STK3: variants seen among roughly 807,000 people sequenced by gnomAD.
STK3 encodes serine/threonine kinase 3, also known as serine/threonine-protein kinase 3.
Under a neutral mutation model 58.0 loss-of-function variants are expected in STK3, and 41 were observed. The observed-to-expected ratio is 0.71, with a 90% CI of 0.55 to 0.92. The LOEUF (loss-of-function observed/expected upper bound fraction) is 0.92, where lower values mean the gene tolerates loss of function less well. Among genes scored for constraint, STK3 ranks in the 40% least tolerant of loss-of-function variants. STK3 has a pLI of 0.00. For missense variants in STK3, 479 were observed against 602.7 expected (o/e 0.79, Z 2.15); for synonymous variants, 170 against 191.0 (o/e 0.89, Z 0.91).
At chr8:98,558,810 G>A (rs187064230) in intron 8 of STK3, among the ~76,000 whole-genome samples, 16 of 151,816 alleles carry the variant, frequency 1.1e-4, no homozygotes, top group Admixed American at 9.2e-4. Flanking sequence ...TACATAAATT[G>A]TATTTTTATT....
chr8:98,930,223 G>A (rs1587862658), intron 1 of STK3, among the ~76,000 whole-genome samples: 1 of 152,146 alleles, frequency 6.6e-6, no homozygotes, highest in African/African-American at 2.4e-5. Flanking sequence ...GGCGGTTGTG[G>A]GGGGAATGGG....
downstream of STK3, chr8:98,883,571 A>G: frequency 1.5e-6 from 1 of 649,534 alleles, no homozygotes; most frequent in Non-Finnish European, 2.8e-6. Context: ...TTTTAAGGAC[A>G]ATAAACATCT....
At chr8:98,631,220 C>G (rs1039396415) in intron 6 of STK3, among the ~76,000 whole-genome samples, 1 of 152,128 alleles carries the variant, frequency 6.6e-6, no homozygotes, top group Non-Finnish European at 1.5e-5. Flanking sequence ...AAGAACGAGC[C>G]GTTTAAATCA....
chr8:98,803,310 G>A (rs2131635406), intron 1 of STK3, among the ~76,000 whole-genome samples: 1 of 152,186 alleles, frequency 6.6e-6, no homozygotes, highest in South Asian at 2.1e-4. Context: ...AGTAAAAACA[G>A]GCCAGGCATG....
the STK3 span, among the ~76,000 whole-genome samples, chr8:98,365,992 T>C: frequency 1.3e-5 from 2 of 151,642 alleles, no homozygotes; most frequent in Non-Finnish European, 2.9e-5. Context: ...TTATAAAACA[T>C]GTACAGGAAT....
chr8:98,664,905 A>T (rs80244772), intron 6 of STK3, among the ~76,000 whole-genome samples: 11 of 139,360 alleles, frequency 7.9e-5, no homozygotes, highest in Non-Finnish European at 1.4e-4. Context: ...CGTCTCAATT[A>T]AAAAAAAAAA....
chr8:98,515,099 G>A (rs899005029), intron 10 of STK3, among the ~76,000 whole-genome samples: 1 of 151,880 alleles, frequency 6.6e-6, no homozygotes, highest in Admixed American at 6.6e-5. Context: ...CACTATCTTT[G>A]CCTTAATCCA....
intron 6 of STK3, among the ~76,000 whole-genome samples, chr8:98,650,941 C>A (rs1015513075): frequency 9.9e-5 from 15 of 152,214 alleles, no homozygotes; most frequent in Non-Finnish European, 1.8e-4. Context: ...ACAGCAGTAA[C>A]CTCTGCAGAC....
At chr8:98,356,552 C>T in the STK3 span, among the ~76,000 whole-genome samples, 4 of 152,232 alleles carry the variant, frequency 2.6e-5, no homozygotes, top group African/African-American at 9.6e-5. Context: ...AAAGCTAAGC[C>T]GAAAGCCAGG....
At chr8:98,357,328 G>A in the STK3 span, among the ~76,000 whole-genome samples, 2 of 152,252 alleles carry the variant, frequency 1.3e-5, no homozygotes, top group Admixed American at 1.3e-4. Context: ...CTTGAAGGTG[G>A]GTTCTCACAG....
In STK3 at chr8:98,723,721, C is replaced by T. The variant is rs551952267; in HGVS notation, c.352-16410G>A. Among the ~76,000 whole-genome samples, 93 of 152,172 alleles carry T rather than the reference C, an allele frequency of 6.1e-4. 1 individual carries two copies. The highest frequency in any genetic ancestry group is 6.8e-3 in the Middle Eastern group (2 of 294). On this transcript the variant is annotated intron_variant, in intron 4 of 10. Coordinates refer to ENST00000419617, the MANE Select transcript of STK3 (RefSeq NM_006281.4). ...GTAAGGATACAAAAAATTAGACATACGCCCCCCTTTTCAAATGCCATAAAT... is the reference window on the plus strand; with the variant it reads ...GTAAGGATACAAAAAATTAGACATATGCCCCCCTTTTCAAATGCCATAAAT...
At chr8:98,905,231 A>G (rs570938421) in intron 1 of STK3, 19 of 861,186 alleles carry the variant, frequency 2.2e-5, no homozygotes, top group South Asian at 2.1e-4. Context: ...CTTGTGGACA[A>G]CTACACATGC....
intron 10 of STK3, among the ~76,000 whole-genome samples, chr8:98,517,809 A>G (rs2131437065): frequency 6.6e-6 from 1 of 152,020 alleles, no homozygotes; most frequent in Admixed American, 6.6e-5. Flanking sequence ...TACATTGTCC[A>G]CTCTTTGATC....
chr8:98,788,999 C>T (rs1026919394), intron 1 of STK3, among the ~76,000 whole-genome samples: 1 of 152,112 alleles, frequency 6.6e-6, no homozygotes, highest in African/African-American at 2.4e-5. Context: ...CAAGATAGAC[C>T]ATATGAGAGG....
At chr8:98,612,889 C>A (rs1297454381) in intron 6 of STK3, among the ~76,000 whole-genome samples, 1 of 152,128 alleles carries the variant, frequency 6.6e-6, no homozygotes, top group Non-Finnish European at 1.5e-5. Context: ...GAATTTCACC[C>A]CTCTGGAAAG....
At chr8:98,676,192 A>G (rs891493959) in intron 6 of STK3, among the ~76,000 whole-genome samples, 2 of 152,218 alleles carry the variant, frequency 1.3e-5, no homozygotes, top group African/African-American at 4.8e-5. Flanking sequence ...AATAGTTCTA[A>G]CTTGAAGCTA....
At chr8:98,560,853 C>A (rs376767725) in intron 8 of STK3, among the ~76,000 whole-genome samples, 2 of 151,854 alleles carry the variant, frequency 1.3e-5, no homozygotes, top group African/African-American at 4.8e-5. Flanking sequence ...GGCAACACAG[C>A]AAGACACCAT....
At chr8:98,822,067 T>A (rs546160139) in intron 1 of STK3, among the ~76,000 whole-genome samples, 2 of 142,984 alleles carry the variant, frequency 1.4e-5, no homozygotes, top group Non-Finnish European at 3.2e-5. Flanking sequence ...CACACACACA[T>A]ACACACACAC....
At chr8:98,866,302 C>T (rs1013515216) in intron 3 of STK3, among the ~76,000 whole-genome samples, 2 of 152,174 alleles carry the variant, frequency 1.3e-5, no homozygotes, top group African/African-American at 4.8e-5. Context: ...GGGCTGTGGG[C>T]AGCTACCTAT....
Sources: allele counts gnomAD v4.1 joint callset (sites outside exome capture counted in the v4.1 genomes callset), GRCh38; gene constraint gnomAD v4.1.1; transcripts MANE v1.5; gene names NCBI Gene and HGNC (gene_info 2026-07-23, HGNC 2026-07-21).